TACC2: variants seen among roughly 807,000 people sequenced by gnomAD.
The protein encoded by TACC2 is transforming acidic coiled-coil-containing protein 2.
In TACC2, 137 loss-of-function variants were observed where a neutral mutation model predicts 227.3. The observed-to-expected ratio is 0.60, with a 90% CI of 0.52 to 0.69. TACC2 has a LOEUF of 0.69. Among genes scored for constraint, TACC2 ranks in the 30% least tolerant of loss-of-function variants. The pLI is 0.00. For synonymous variants in TACC2, 1,523 were observed against 1,487.5 expected (o/e 1.02, Z -0.55); for missense variants, 3,470 against 3,694.4 (o/e 0.94, Z 1.57).
intron 7 of TACC2, among the ~76,000 whole-genome samples, chr10:122,170,667 T>G (rs182058356): frequency 6.0e-4 from 92 of 152,316 alleles, no homozygotes; most frequent in Admixed American, 2.5e-3. Flanking sequence ...TCCATGTCAT[T>G]GGACTTCCAT....
At chr10:122,234,888 G>T (rs1161175424) in intron 16 of TACC2, among the ~76,000 whole-genome samples, 1 of 152,096 alleles carries the variant, frequency 6.6e-6, no homozygotes, top group African/African-American at 2.4e-5. Flanking sequence ...ATTTTGATCA[G>T]AATTGAATCT....
chr10:122,006,862 T>C (rs79513935), intron 1 of TACC2, among the ~76,000 whole-genome samples: 1 of 77,162 alleles, frequency 1.3e-5, no homozygotes, highest in Non-Finnish European at 3.4e-5. Context: ...TTTCCTGATT[T>C]TTTTTTTTTT....
At chr10:122,183,699 C>T (rs1477597644) in intron 7 of TACC2, among the ~76,000 whole-genome samples, 1 of 152,190 alleles carries the variant, frequency 6.6e-6, no homozygotes, top group Non-Finnish European at 1.5e-5. Context: ...GCTGCCAAAC[C>T]TACTGGAGAC....
chr10:122,011,679 C>T (rs1366757810), intron 1 of TACC2, among the ~76,000 whole-genome samples: 1 of 152,134 alleles, frequency 6.6e-6, no homozygotes, highest in Non-Finnish European at 1.5e-5. Flanking sequence ...ACTTGGATGG[C>T]AGGAAGTCTA....
At chr10:122,163,591 CG>C (rs1425498906) in intron 7 of TACC2, 9 of 1,004,572 alleles carry the variant, frequency 9.0e-6, no homozygotes, top group Non-Finnish European at 9.5e-6. Context: ...AGCCGGCTGC[CG>C]GGGGGTTTAA....
At chr10:122,021,726 G>T (rs1044111452) in intron 1 of TACC2, among the ~76,000 whole-genome samples, 5 of 152,142 alleles carry the variant, frequency 3.3e-5, no homozygotes, top group African/African-American at 1.2e-4. Context: ...CCAACCCCGG[G>T]GTGGGGAATG....
chr10:122,004,512 T>G (rs1475244973), intron 1 of TACC2, among the ~76,000 whole-genome samples: 1 of 152,150 alleles, frequency 6.6e-6, no homozygotes, highest in Non-Finnish European at 1.5e-5. Context: ...TTTTAAGATG[T>G]TTTCAGAGTT....
At position 122,087,912 on chromosome 10, in the gene TACC2, C is replaced by T. The variant is rs372170043; in HGVS notation, c.5412C>T (p.His1804=). Residue 1804 remains histidine (H), a synonymous_variant, in exon 4 of 23, where the codon CAC becomes CAT. Coordinates refer to ENST00000369005, the MANE Select transcript of TACC2 (RefSeq NM_206862.4). ...VSSPPEPDET[H]DPKLQHLAPE... ...CACCTCCAGAGCCTGACGAAACTCACGACCCGAAGCTGCAACATTTGGCTC... is the reference window on the plus strand; with the variant it reads ...CACCTCCAGAGCCTGACGAAACTCATGACCCGAAGCTGCAACATTTGGCTC... The T allele has an allele frequency of 1.9e-5, 28 of 1,512,118 alleles. No individual in the cohort carries two copies. Among genetic ancestry groups the T allele is most frequent in the South Asian group, 1.1e-4 (8 of 74,530 alleles). 93.7% of individuals were successfully genotyped at this position (1,512,118 alleles called of 1,614,324 possible).
At chr10:122,003,151 C>T (rs1056837246) in intron 1 of TACC2, among the ~76,000 whole-genome samples, 7 of 151,846 alleles carry the variant, frequency 4.6e-5, no homozygotes, top group Admixed American at 2.0e-4. Context: ...TGCAGTGAGC[C>T]GAGATCACAT....
At chr10:122,204,573 T>G (rs2095039316) in intron 8 of TACC2, among the ~76,000 whole-genome samples, 1 of 152,148 alleles carries the variant, frequency 6.6e-6, no homozygotes, top group African/African-American at 2.4e-5. Flanking sequence ...CGGTGGCCCA[T>G]GCCTGTCATC....
intron 2 of TACC2, among the ~76,000 whole-genome samples, chr10:122,049,048 T>C (rs2075373511): frequency 6.6e-6 from 1 of 152,242 alleles, no homozygotes; most frequent in Non-Finnish European, 1.5e-5. Flanking sequence ...TCAAAGGTGT[T>C]TGACCAGGGA....
In TACC2 at chr10:122,043,570, T is replaced by C. The variant is rs58819844; in HGVS notation, c.34-6868T>C. Reference sequence around the variant, plus strand: ...TGTCTCTCTGTCTCTCTCTCTCTCTTTCTTTCTTCCTTTCTTCCTTTCTTT... The same window carrying C: ...TGTCTCTCTGTCTCTCTCTCTCTCTCTCTTTCTTCCTTTCTTCCTTTCTTT... On this transcript the variant is annotated intron_variant, in intron 2 of 22. Coordinates refer to ENST00000369005, the MANE Select transcript of TACC2 (RefSeq NM_206862.4). 5.0e-4 allele frequency among the ~76,000 whole-genome samples: 75 copies of C among 149,668 alleles called. 1 individual carries two copies. Among genetic ancestry groups the C allele is most frequent in the African/African-American group, 1.3e-3 (51 of 40,534 alleles).
chr10:122,169,709 G>T (rs540529753), intron 7 of TACC2, among the ~76,000 whole-genome samples: 2 of 152,038 alleles, frequency 1.3e-5, no homozygotes, highest in African/African-American at 4.8e-5. Flanking sequence ...AATATGTGCC[G>T]ATAATGCCCC....
intron 1 of TACC2, among the ~76,000 whole-genome samples, chr10:122,017,863 A>G (rs1002509117): frequency 6.6e-6 from 1 of 151,220 alleles, no homozygotes; most frequent in African/African-American, 2.4e-5. Flanking sequence ...AAAGAAAAAG[A>G]AAAATTCTTC....
intron 18 of TACC2, among the ~76,000 whole-genome samples, chr10:122,240,535 G>A (rs763386100): frequency 1.3e-5 from 2 of 152,128 alleles, no homozygotes; most frequent in African/African-American, 4.8e-5. Flanking sequence ...GCCCTGAAAG[G>A]TGGGGTCTAG....
At chr10:122,130,245 C>T (rs1169890492) in intron 5 of TACC2, among the ~76,000 whole-genome samples, 1 of 152,178 alleles carries the variant, frequency 6.6e-6, no homozygotes, top group African/African-American at 2.4e-5. Context: ...ATCTGCCCAC[C>T]TCGGCCTCCC....
intron 2 of TACC2, among the ~76,000 whole-genome samples, chr10:122,039,247 A>C (rs2073958178): frequency 6.6e-6 from 1 of 152,142 alleles, no homozygotes; most frequent in Non-Finnish European, 1.5e-5. Flanking sequence ...AAGTACTGGG[A>C]TTACAGGTGT....
At chr10:122,197,367 G>A (rs2094607061) in intron 8 of TACC2, among the ~76,000 whole-genome samples, 1 of 152,240 alleles carries the variant, frequency 6.6e-6, no homozygotes, top group African/African-American at 2.4e-5. Context: ...GTGGCCACAG[G>A]TGCGTCTTCT....
At chr10:122,029,623 C>T (rs1423518631) in intron 2 of TACC2, among the ~76,000 whole-genome samples, 1 of 152,106 alleles carries the variant, frequency 6.6e-6, no homozygotes, top group East Asian at 1.9e-4. Context: ...CTCTATGGGC[C>T]AAACGAATGT....
Sources: allele counts gnomAD v4.1 joint callset (sites outside exome capture counted in the v4.1 genomes callset), GRCh38; gene constraint gnomAD v4.1.1; transcripts MANE v1.5; gene names NCBI Gene and HGNC (gene_info 2026-07-23, HGNC 2026-07-21).